The following MTMR3 variants were observed in gnomAD, a reference collection of about 807,000 sequenced individuals.
MTMR3 encodes the protein myotubularin related protein 3, also known as phosphatidylinositol-3,5-bisphosphate 3-phosphatase MTMR3.
A neutral mutation model predicts 132.4 loss-of-function variants in MTMR3; 32 were observed. The observed-to-expected ratio is 0.24, with a 90% confidence interval of 0.18 to 0.32. MTMR3 has a LOEUF of 0.32. Ranked by LOEUF, MTMR3 falls within the 10% of genes least tolerant of loss-of-function variation. The pLI, the probability that MTMR3 is intolerant of heterozygous loss-of-function variation, is 1.00. For missense variants in MTMR3, 1,216 were observed against 1,489.6 expected (o/e 0.82, Z 3.02); for synonymous variants, 556 against 550.3 (o/e 1.01, Z -0.14).
At chr22:29,982,947 G>T (rs1322610833) in intron 5 of MTMR3, 63 of 66,814 alleles carry the variant, frequency 9.4e-4, no homozygotes, top group African/African-American at 2.2e-3. Context: ...TTGTGTGTGT[G>T]TGTGTGTGTG....
intron 1 of MTMR3, among the ~76,000 whole-genome samples, chr22:29,929,445 T>A (rs2065595286): frequency 6.6e-6 from 1 of 152,172 alleles, no homozygotes; most frequent in Non-Finnish European, 1.5e-5. Flanking sequence ...TTCATATGTG[T>A]GTTGAACATT....
intron 17 of MTMR3, chr22:30,021,791 G>GGCC (rs1457117540): frequency 2.1e-6 from 1 of 478,554 alleles, no homozygotes; most frequent in Non-Finnish European, 3.7e-6. Flanking sequence ...GAACCCTGAG[G>GGCC]GCCTGTTTTT....
At chr22:29,903,805 G>A (rs1392790228) in intron 1 of MTMR3, among the ~76,000 whole-genome samples, 1 of 152,168 alleles carries the variant, frequency 6.6e-6, no homozygotes, top group African/African-American at 2.4e-5. Context: ...TCTCATTAAT[G>A]TATGTTCCTT....
At chr22:30,010,251 A>G (rs907700635) in intron 12 of MTMR3, 1 of 152,150 alleles carries the variant, frequency 6.6e-6, no homozygotes, top group Admixed American at 6.5e-5. Flanking sequence ...TGTAGATCTC[A>G]GTTTTCCTGT....
rs563891371 is a variant in MTMR3 at position 29,905,018 on chromosome 22, A to G, written c.-138+21659A>G. 1.5e-4 allele frequency among the ~76,000 whole-genome samples: 23 copies of G among 152,328 alleles called. No individual in the cohort carries two copies. The South Asian group carries it at 2.1e-3, about 14-fold the overall frequency. On this transcript the variant is annotated intron_variant, in intron 1 of 19. Transcript: ENST00000401950. ...CAAGATTTAAACATACCAATTTGCT[A>G]TCCTCTGTTATGGTTCTTAGAGCTA...
At chr22:30,010,389 G>A (rs986607938) in intron 12 of MTMR3, 4 of 152,182 alleles carry the variant, frequency 2.6e-5, no homozygotes, top group Non-Finnish European at 5.9e-5. Context: ...AAATGTCTTG[G>A]GGATTTTATT....
rs1272446403 is a variant in MTMR3, at chr22:29,896,902, C to CACACACACACAT, written c.-138+13544_-138+13545insCACACACACATA. Among the ~76,000 whole-genome samples the CACACACACACAT allele has an allele frequency of 1.8e-3, 265 of 148,856 alleles. 1 individual carries two copies. The highest frequency in any genetic ancestry group is 3.2e-3 in the Admixed American group (48 of 14,888). On this transcript the variant is annotated intron_variant, in intron 1 of 19. Transcript: ENST00000401950. ...ACACACACACACACACACACACACA[C>CACACACACACAT]ATACACACACACAAATCCCATATAG...
chr22:29,934,781 T>C (rs2065715708), intron 1 of MTMR3, among the ~76,000 whole-genome samples: 2 of 152,178 alleles, frequency 1.3e-5, no homozygotes, highest in African/African-American at 4.8e-5. Flanking sequence ...CACTGTTAAG[T>C]GGGTTAAGTG....
intron 7 of MTMR3, chr22:29,994,168 A>C (rs1305333457): frequency 2.0e-6 from 2 of 982,008 alleles, no homozygotes; most frequent in African/African-American, 3.5e-5. Context: ...ATGCAACTAC[A>C]AGGTAATGCA....
intron 2 of MTMR3, among the ~76,000 whole-genome samples, chr22:29,963,935 T>C (rs2066364730): frequency 6.6e-6 from 1 of 152,176 alleles, no homozygotes; most frequent in Non-Finnish European, 1.5e-5. Flanking sequence ...GCTATAAACA[T>C]GTATTTGCAA....
At chr22:29,908,083 C>A (rs761142207) in intron 1 of MTMR3, among the ~76,000 whole-genome samples, 1 of 152,110 alleles carries the variant, frequency 6.6e-6, no homozygotes, top group Non-Finnish European at 1.5e-5. Flanking sequence ...GGAAGGACTT[C>A]CACAGTCGGA....
intron 1 of MTMR3, among the ~76,000 whole-genome samples, chr22:29,905,807 G>C (rs2145734919): frequency 6.6e-6 from 1 of 152,084 alleles, no homozygotes; most frequent in Non-Finnish European, 1.5e-5. Context: ...CAATTTTATG[G>C]GGTTTTGGTG....
intron 1 of MTMR3, among the ~76,000 whole-genome samples, chr22:29,888,768 C>CTTTTTT (rs3049983): frequency 4.9e-5 from 5 of 101,880 alleles, no homozygotes; most frequent in Non-Finnish European, 7.6e-5. Flanking sequence ...TTAGTTAATA[C>CTTTTTT]TTTTTTTTTT....
At chr22:29,945,757 C>T (rs2065941190) in intron 1 of MTMR3, among the ~76,000 whole-genome samples, 1 of 148,356 alleles carries the variant, frequency 6.7e-6, no homozygotes, top group African/African-American at 2.5e-5. Context: ...AATTGAAGGA[C>T]ACATGGGCCT....
chr22:29,945,176 C>A (rs567431646), intron 1 of MTMR3, among the ~76,000 whole-genome samples: 1 of 152,034 alleles, frequency 6.6e-6, no homozygotes, highest in Non-Finnish European at 1.5e-5. Context: ...TGAGGCCTGG[C>A]GAATTTTTCA....
At position 29,902,859 on chromosome 22, in the gene MTMR3, C is replaced by T. The variant is rs140124917; in HGVS notation, c.-138+19500C>T. ...TGTTAATAAATTATCTTCTTTGTTC[C>T]TATGTAGTGAGCTTTCTTTTTGCAG... On this transcript the variant is annotated intron_variant, in intron 1 of 19. Transcript: ENST00000401950. Among the ~76,000 whole-genome samples, 895 of 152,168 alleles carry T rather than the reference C, an allele frequency of 5.9e-3. 9 individuals carry two copies. Among genetic ancestry groups the T allele is most frequent in the Admixed American group, 9.3e-3 (142 of 15,270 alleles).
intron 12 of MTMR3, 132 bp from the exon 13 acceptor site, chr22:30,012,236 T>G (rs1706227992): frequency 2.2e-6 from 2 of 896,630 alleles, no homozygotes; most frequent in South Asian, 3.4e-5. Flanking sequence ...ACACACAGAT[T>G]TTTTTGTTTT....
At chr22:29,940,438 G>C (rs572801352) in intron 1 of MTMR3, among the ~76,000 whole-genome samples, 1 of 150,086 alleles carries the variant, frequency 6.7e-6, no homozygotes, top group Admixed American at 6.6e-5. Context: ...GACTCAGCCC[G>C]CCTGCACCCA....
chr22:30,012,079 G>C (rs1601418497), intron 12 of MTMR3: 1 of 283,250 alleles, frequency 3.5e-6, no homozygotes, highest in African/African-American at 2.2e-5. Context: ...TTATACCATG[G>C]ACTGAAAAAT....
Sources: gnomAD v4.1 joint callset for allele counts (sites outside exome capture counted in the v4.1 genomes callset) on GRCh38, gnomAD v4.1.1 for gene constraint, MANE v1.5 for transcripts, NCBI Gene and HGNC (gene_info 2026-07-23, HGNC 2026-07-21) for gene names.